ZNF486: variants seen among roughly 807,000 people sequenced by gnomAD.
The protein encoded by ZNF486 is KRAB box only protein 2.
A neutral mutation model predicts 12.8 loss-of-function variants in ZNF486; 12 were observed. That is an observed-to-expected ratio of 0.94 (90% confidence interval 0.60 to 1.52). The LOEUF is 1.52. Ranked by LOEUF, ZNF486 falls within the 40% of genes most tolerant of loss-of-function variation. The pLI is 0.00. For synonymous variants in ZNF486, 231 were observed against 184.9 expected, an observed-to-expected ratio of 1.25 and a Z score of -2.02; for missense variants, 738 against 545.0, an observed-to-expected ratio of 1.35 and a Z score of -3.53.
rs2089873790 is a variant in ZNF486, at chr19:20,188,678, C to CAT, written c.253+2597_253+2598dup. ...ACAAAAAAAAGCTGTTCATTTCAGG[C>CAT]ATGTTAAGTATATTCTCATTGTTAT... On this transcript the variant is annotated intron_variant, in intron 3 of 3. Coordinates refer to ENST00000335117, the MANE Select transcript of ZNF486 (RefSeq NM_052852.4). The CAT allele has an allele frequency of 1.6e-5, 6 of 384,526 alleles. No homozygotes were observed. The South Asian group carries it at 8.7e-4, about 56-fold the overall frequency. The allele number at this position is 384,526 out of a possible 1,614,324, so 23.8% of individuals were successfully genotyped here. A position where few individuals can be genotyped will look rare whatever the true frequency, so the allele number is the denominator to read the frequency against.
intron 1 of ZNF486, among the ~76,000 whole-genome samples, chr19:20,182,457 ATGT>A (rs1214360531): frequency 1.3e-5 from 2 of 152,182 alleles, no homozygotes; most frequent in Non-Finnish European, 2.9e-5. Context: ...GGAAGCACTT[ATGT>A]TGTTTTAATG....
chr19:20,177,272 T>C (rs2089730243), intron 1 of ZNF486, among the ~76,000 whole-genome samples: 1 of 152,202 alleles, frequency 6.6e-6, no homozygotes, highest in Non-Finnish European at 1.5e-5. Context: ...CTAGCCAAAA[T>C]ATAGAACACT....
intron 1 of ZNF486, among the ~76,000 whole-genome samples, chr19:20,179,039 A>C (rs1401234672): frequency 1.3e-5 from 2 of 152,220 alleles, no homozygotes; most frequent in Admixed American, 6.5e-5. Flanking sequence ...TTGAATCCAG[A>C]TCTTGAGATT....
intron 3 of ZNF486, among the ~76,000 whole-genome samples, chr19:20,187,891 A>AG: frequency 6.6e-6 from 1 of 151,914 alleles, no homozygotes; most frequent in Admixed American, 6.6e-5. Flanking sequence ...TGTAGTGGAG[A>AG]GGGGGTGTAG....
Position 20,197,673 on chromosome 19 carries a change from G to T in ZNF486, c.963G>T (p.Pro321=). 1 of 1,612,304 alleles carries T rather than the reference G, an allele frequency of 6.2e-7. No homozygotes were observed. Among genetic ancestry groups the T allele is most frequent in the Non-Finnish European group, 8.5e-7 (1 of 1,179,450 alleles). ...AGAAAATTCATACTGGAGAGAAACC[G>T]TACACGTGTGATAAATGTGGCAAAG... ...SHKKIHTGEK[P]YTCDKCGKAF... The change falls in exon 4 of 4, where the codon CCG becomes CCT. Residue 321 remains proline (P), a synonymous_variant. Coordinates refer to ENST00000335117, the MANE Select transcript of ZNF486 (RefSeq NM_052852.4).
chr19:20,167,950 T>G (rs111934779), intron 1 of ZNF486, among the ~76,000 whole-genome samples: 15 of 152,286 alleles, frequency 9.8e-5, no homozygotes, highest in Admixed American at 2.6e-4. Flanking sequence ...CGCAAATCGC[T>G]CGTTTATCCT....
At chr19:20,184,325 G>A (rs1555715990) in intron 1 of ZNF486, 31 bp from the exon 2 acceptor site, 1 of 1,609,504 alleles carries the variant, frequency 6.2e-7, no homozygotes, top group South Asian at 1.1e-5. Flanking sequence ...CGGCGACTTG[G>A]TGAAAATGTG....
At chr19:20,172,691 G>A (rs1227428315) in intron 1 of ZNF486, among the ~76,000 whole-genome samples, 1 of 146,230 alleles carries the variant, frequency 6.8e-6, no homozygotes, top group East Asian at 2.0e-4. Context: ...TTAGACTGGA[G>A]TGCAGTGGCA....
Position 20,198,953 on chromosome 19 carries a change from A to G in ZNF486, c.*851A>G, listed in dbSNP as rs2089988240. On this transcript the variant is annotated 3_prime_UTR_variant, in exon 4 of 4. Transcript: ENST00000335117. Reference sequence around the variant, plus strand: ...TGCATAAAAAAAATTATACTACACCATAGAAATGTATGAAATGTGACAAAG... The same window carrying G: ...TGCATAAAAAAAATTATACTACACCGTAGAAATGTATGAAATGTGACAAAG... 6.6e-6 allele frequency: 1 copy of G among 150,970 alleles called. No homozygotes were observed. Among genetic ancestry groups the G allele is most frequent in the Non-Finnish European group, 1.5e-5 (1 of 68,020 alleles). 9.4% of individuals were successfully genotyped at this position (150,970 alleles called of 1,614,324 possible).
rs1011088093 is a variant in ZNF486, at chr19:20,198,086, A to G, written c.1376A>G (p.Gln459Arg). The change falls in exon 4 of 4, where the codon CAG (glutamine) becomes CGG (arginine). Residue 459 changes from glutamine to arginine, a missense_variant. By Grantham distance (43) the Gln-to-Arg change is conservative. Transcript: ENST00000335117. ...LNKHKRIHIG[Q>R]KPRT ...AAACATAAGAGAATTCATATTGGAC[A>G]GAAACCAAGAACGTGACAAAGGATT... The G allele has an allele frequency of 6.3e-7, 1 of 1,590,448 alleles. No homozygotes were observed.
intron 1 of ZNF486, among the ~76,000 whole-genome samples, chr19:20,174,252 A>G (rs868947737): frequency 3.9e-5 from 6 of 152,262 alleles, no homozygotes; most frequent in African/African-American, 1.2e-4. Flanking sequence ...AGAACAGTTC[A>G]GTGCGTAAAC....
intron 1 of ZNF486, among the ~76,000 whole-genome samples, chr19:20,171,411 C>A (rs527418363): frequency 6.8e-4 from 103 of 152,310 alleles, no homozygotes; most frequent in African/African-American, 2.5e-3. Flanking sequence ...CACACTCCTC[C>A]CAGGACTAGG....
Position 20,186,000 on chromosome 19 carries a change from T to C in ZNF486, c.171T>C (p.Ser57=), listed in dbSNP as rs539005684. ...RHLVFLGIIV[S]KPDLITCLEQ... The stretch of plus-strand genomic sequence containing the variant: ...TTAATGAAACAGGTATTATTGTCTC[T>C]AAGCCAGACCTGATCACCTGTCTGG... Residue 57 remains serine, a synonymous_variant, in exon 3 of 4, where the codon TCT becomes TCC. Transcript: ENST00000335117. The C allele has an allele frequency of 1.9e-6, 3 of 1,570,210 alleles. No homozygotes were observed. Among genetic ancestry groups the C allele is most frequent in the East Asian group, 2.4e-5 (1 of 42,492 alleles).
Position 20,197,036 on chromosome 19 carries a change from T to A in ZNF486, c.326T>A (p.Leu109Gln). Residue 109 changes from leucine to glutamine, a missense_variant, in exon 4 of 4, where the codon CTG (leucine) becomes CAG (glutamine). Leu to Gln is a moderately radical substitution (Grantham distance 113, BLOSUM62 -2). Coordinates refer to ENST00000335117, the MANE Select transcript of ZNF486 (RefSeq NM_052852.4). ...AAAGATTCTTACCAAAAAGTGATAC[T>A]GAGAAAATTTGAAAAATGTGGACAT... ...SIKDSYQKVI[L>Q]RKFEKCGHGN... 1 of 1,610,512 alleles carries A rather than the reference T, an allele frequency of 6.2e-7. No homozygotes were observed. The highest frequency in any genetic ancestry group is 8.5e-7 in the Non-Finnish European group (1 of 1,179,168).
chr19:20,169,885 TATG>T (rs1364442944), intron 1 of ZNF486, among the ~76,000 whole-genome samples: 6 of 144,918 alleles, frequency 4.1e-5, no homozygotes, highest in African/African-American at 1.4e-4. Context: ...GATGGGGTTG[TATG>T]TTTTTTTTTT....
chr19:20,168,628 T>TG (rs1332328742), intron 1 of ZNF486, among the ~76,000 whole-genome samples: 1 of 150,254 alleles, frequency 6.7e-6, no homozygotes, highest in Non-Finnish European at 1.5e-5. Flanking sequence ...CACTCCAGCC[T>TG]GGGCAACAAC....
chr19:20,188,298 G>T, intron 3 of ZNF486: 1 of 394,932 alleles, frequency 2.5e-6, no homozygotes, highest in Non-Finnish European at 4.5e-6. Context: ...TTTTCAAAAA[G>T]ATTTATAATT....
At chr19:20,174,403 T>A (rs536725427) in intron 1 of ZNF486, among the ~76,000 whole-genome samples, 1 of 147,532 alleles carries the variant, frequency 6.8e-6, no homozygotes, top group Non-Finnish European at 1.5e-5. Context: ...CTTTCTTCTT[T>A]TTTTTTTTTG....
At chr19:20,183,116 G>T (rs1311667916) in intron 1 of ZNF486, among the ~76,000 whole-genome samples, 4 of 152,110 alleles carry the variant, frequency 2.6e-5, no homozygotes, top group Admixed American at 6.5e-5. Flanking sequence ...AGCTTTCTCT[G>T]CATTCTCTAT....
Sources: allele counts gnomAD v4.1 joint callset (sites outside exome capture counted in the v4.1 genomes callset), GRCh38; gene constraint gnomAD v4.1.1; transcripts MANE v1.5; gene names NCBI Gene and HGNC (gene_info 2026-07-23, HGNC 2026-07-21).